NEBL: variants seen among roughly 807,000 people sequenced by gnomAD.
The protein encoded by NEBL is LIM and SH3 protein 2.
In NEBL, 122 loss-of-function variants were observed where a neutral mutation model predicts 140.2. The ratio of observed to expected loss-of-function variants is 0.87; its 90% CI spans 0.75 to 1.01. NEBL has a LOEUF of 1.01. Among genes scored for constraint, NEBL ranks in the 50% least tolerant of loss-of-function variants. The pLI, the probability that NEBL is intolerant of heterozygous loss-of-function variation, is 0.00. For synonymous variants in NEBL, 436 were observed against 398.9 expected, an observed-to-expected ratio of 1.09 and a Z score of -1.11; for missense variants, 1,365 against 1,231.3, an observed-to-expected ratio of 1.11 and a Z score of -1.62.
At chr10:21,172,601 G>A in intron 1 of NEBL, 2 of 718,772 alleles carry the variant, frequency 2.8e-6, no homozygotes, top group Non-Finnish European at 2.4e-6. Flanking sequence ...AACAAAAAGA[G>A]TGTAGGGAAC....
At position 20,938,194 on chromosome 10, in the gene NEBL, G is replaced by C. The variant is rs147653406; in HGVS notation, c.357+23478C>G. On this transcript the variant is annotated intron_variant, in intron 4 of 6. Coordinates refer to the NEBL transcript ENST00000417816. ...CCTAGCTGGGAGGCACCCCCCAGTAGGGGCAGACTGACACCTCACACGGCT... is the reference window on the plus strand; with the variant it reads ...CCTAGCTGGGAGGCACCCCCCAGTACGGGCAGACTGACACCTCACACGGCT... Among the ~76,000 whole-genome samples, 748 of 152,314 alleles carry C rather than the reference G, an allele frequency of 4.9e-3. 3 individuals carry two copies. The highest frequency in any genetic ancestry group is 7.4e-3 in the Non-Finnish European group (505 of 68,020).
chr10:20,911,045 T>C (rs1235838429), intron 4 of NEBL, among the ~76,000 whole-genome samples: 3 of 152,022 alleles, frequency 2.0e-5, no homozygotes, highest in Non-Finnish European at 4.4e-5. Context: ...GAGCTTGTAG[T>C]TCCAGCTGCT....
chr10:20,819,340 G>C, intron 20 of NEBL, 84 bp downstream of exon 20: 1 of 1,600,994 alleles, frequency 6.2e-7, no homozygotes, highest in Non-Finnish European at 8.5e-7. Context: ...AGTTTGCTAA[G>C]GATAATGGCC....
rs541718424 is a variant in NEBL at position 21,232,375 on chromosome 10, G to GGGTGGTTT, written n.348+15538_348+15545dup. Among the ~76,000 whole-genome samples, 980 of 152,230 alleles carry GGGTGGTTT rather than the reference G, an allele frequency of 6.4e-3. 7 individuals carry two copies. Among genetic ancestry groups the GGGTGGTTT allele is most frequent in the African/African-American group, 0.022 (931 of 41,532 alleles). On this transcript the variant is annotated intron_variant and non_coding_transcript_variant, in intron 3 of 8. Transcript: ENST00000675702. Reference sequence around the variant, plus strand: ...TGCCACAGACCAAGGGTCGGTCGGGGGGTGGTTTCAGGATGATTCAAACCC... The same window carrying GGGTGGTTT: ...TGCCACAGACCAAGGGTCGGTCGGGGGGTGGTTTGGTGGTTTCAGGATGATTCAAACCC...
At chr10:21,203,497 C>A (rs1346992165) in intron 3 of NEBL, among the ~76,000 whole-genome samples, 1 of 152,160 alleles carries the variant, frequency 6.6e-6, no homozygotes, top group Non-Finnish European at 1.5e-5. Context: ...CTAAGAGTGG[C>A]CAGCAGATAA....
At chr10:20,950,684 G>A (rs1005977945) in intron 4 of NEBL, among the ~76,000 whole-genome samples, 1 of 152,122 alleles carries the variant, frequency 6.6e-6, no homozygotes, top group African/African-American at 2.4e-5. Flanking sequence ...ATACTTTACA[G>A]TCAAAGCCCC....
intron 1 of NEBL, among the ~76,000 whole-genome samples, chr10:21,258,478 G>A (rs1488621665): frequency 6.6e-6 from 1 of 152,156 alleles, no homozygotes; most frequent in Non-Finnish European, 1.5e-5. Flanking sequence ...GCCGAGACAG[G>A]TGGATCAACT....
intron 3 of NEBL, among the ~76,000 whole-genome samples, chr10:21,234,655 C>T (rs954896266): frequency 6.6e-6 from 1 of 152,146 alleles, no homozygotes; most frequent in Admixed American, 6.6e-5. Context: ...CTCTCTGCTC[C>T]AGCCCACACT....
rs73607576 is a variant in NEBL at position 21,030,345 on chromosome 10, C to T, written c.165-10144G>A. 1.7e-3 allele frequency: 1,052 copies of T among 626,690 alleles called. 14 individuals carry two copies. The African/African-American group carries it at 0.017, about 10-fold the overall frequency. 38.8% of individuals were successfully genotyped at this position (626,690 alleles called of 1,614,324 possible). ...TCATCGCACACTGGGACCTCCGCCA[C>T]ACCCGGCAAAAGTCAATCAGACCAG... On this transcript the variant is annotated intron_variant, in intron 2 of 6. Coordinates refer to the NEBL transcript ENST00000417816.
At chr10:20,930,491 T>A (rs1023958469) in intron 4 of NEBL, among the ~76,000 whole-genome samples, 2 of 152,186 alleles carry the variant, frequency 1.3e-5, no homozygotes, top group African/African-American at 2.4e-5. Context: ...AAATGCAAAT[T>A]AAATTGTATC....
At chr10:20,919,462 T>C (rs1353600040) in intron 4 of NEBL, among the ~76,000 whole-genome samples, 1 of 152,178 alleles carries the variant, frequency 6.6e-6, no homozygotes, top group African/African-American at 2.4e-5. Flanking sequence ...TAAAGTACTT[T>C]TAATCCATTT....
intron 3 of NEBL, among the ~76,000 whole-genome samples, chr10:21,231,638 C>T (rs1842254422): frequency 6.7e-6 from 1 of 148,596 alleles, no homozygotes; most frequent in Non-Finnish European, 1.5e-5. Context: ...GAGAGAACAT[C>T]AGAGGAAGGT....
chr10:21,150,257 A>C (rs952019482), intron 2 of NEBL, among the ~76,000 whole-genome samples: 1 of 152,212 alleles, frequency 6.6e-6, no homozygotes, highest in African/African-American at 2.4e-5. Flanking sequence ...TTTTAAACTA[A>C]GGATTTATAT....
chr10:21,174,161 C>G (rs1262713822), exon 1 of NEBL: 2 of 485,848 alleles, frequency 4.1e-6, no homozygotes, highest in African/African-American at 4.2e-5. Context: ...CACTCGCTCC[C>G]CCGCCTCGCC....
intron 1 of NEBL, among the ~76,000 whole-genome samples, chr10:21,291,814 G>C (rs1843147996): frequency 6.6e-6 from 1 of 151,908 alleles, no homozygotes; most frequent in Admixed American, 6.6e-5. Flanking sequence ...GCTGAGTCAG[G>C]AGAATCGCCT....
At chr10:21,260,041 A>G (rs1190591558) in intron 1 of NEBL, among the ~76,000 whole-genome samples, 1 of 152,196 alleles carries the variant, frequency 6.6e-6, no homozygotes, top group Non-Finnish European at 1.5e-5. Context: ...GAACCATTGG[A>G]TCCAACCAAC....
intron 16 of NEBL, among the ~76,000 whole-genome samples, chr10:20,828,864 A>G (rs1451774209): frequency 2.6e-5 from 4 of 152,042 alleles, no homozygotes; most frequent in Non-Finnish European, 5.9e-5. Flanking sequence ...TTTGCTTCCT[A>G]CTTCATGTGA....
At chr10:20,818,995 T>C (rs1231107028) in intron 20 of NEBL, 2 of 974,972 alleles carry the variant, frequency 2.1e-6, no homozygotes, top group African/African-American at 1.8e-5. Flanking sequence ...TAATGCTGCA[T>C]GTACATATTC....
intron 13 of NEBL, among the ~76,000 whole-genome samples, chr10:20,840,023 A>T (rs1032957391): frequency 2.6e-5 from 4 of 152,140 alleles, no homozygotes; most frequent in Non-Finnish European, 5.9e-5. Context: ...ATGAGTGAAG[A>T]CATCTCCTTT....
Sources: allele counts gnomAD v4.1 joint callset (sites outside exome capture counted in the v4.1 genomes callset), GRCh38; gene constraint gnomAD v4.1.1; transcripts MANE v1.5; gene names NCBI Gene and HGNC (gene_info 2026-07-23, HGNC 2026-07-21).